Variants in CUX1 observed in about 807,000 individuals in gnomAD.
The protein encoded by CUX1 is cut like homeobox 1, also known as protein CASP.
Under a neutral mutation model 158.8 loss-of-function variants are expected in CUX1, and 31 were observed. That is an observed-to-expected ratio of 0.20 (90% CI 0.15 to 0.26). CUX1 has a LOEUF of 0.26. Among genes scored for constraint, CUX1 ranks in the 10% least tolerant of loss-of-function variants. The pLI, the probability that CUX1 is intolerant of heterozygous loss-of-function variation, is 1.00. For missense variants in CUX1, 1,589 were observed against 2,014.6 expected, an observed-to-expected ratio of 0.79 and a Z score of 4.04; for synonymous variants, 879 against 862.1, an observed-to-expected ratio of 1.02 and a Z score of -0.34.
chr7:101,984,451 C>T (rs1814005641), intron 2 of CUX1, among the ~76,000 whole-genome samples: 1 of 149,718 alleles, frequency 6.7e-6, no homozygotes, highest in Admixed American at 6.7e-5. Context: ...TATTCTCTTC[C>T]GTGCTTCGTA....
chr7:101,850,915 A>G (rs1209161364), intron 1 of CUX1, among the ~76,000 whole-genome samples: 1 of 152,144 alleles, frequency 6.6e-6, no homozygotes, highest in African/African-American at 2.4e-5. Context: ...CCTCGGCAAC[A>G]TTGCAAAACT....
intron 3 of CUX1, among the ~76,000 whole-genome samples, chr7:102,037,685 A>G (rs1260620105): frequency 6.6e-6 from 1 of 152,076 alleles, no homozygotes. Flanking sequence ...ACAGAAAACC[A>G]TAAAAGAGAT....
intron 5 of CUX1, among the ~76,000 whole-genome samples, chr7:102,097,909 A>G (rs1392133521): frequency 6.6e-6 from 1 of 152,250 alleles, no homozygotes; most frequent in East Asian, 1.9e-4. Context: ...TTAAGGCTTC[A>G]GACACATCTT....
rs528836132 is a variant in CUX1, at chr7:101,973,433, C to T, written c.142-54665C>T. On this transcript the variant is annotated intron_variant, in intron 2 of 23. Transcript: ENST00000292535. ...GCCAGTGCAACGCCAGGACAGTCTG[C>T]TGACAGGGGAATTGGAGACTGGAGG... 8.5e-4 allele frequency among the ~76,000 whole-genome samples: 129 copies of T among 152,306 alleles called. 1 individual carries two copies. Among genetic ancestry groups the T allele is most frequent in the Non-Finnish European group, 1.6e-3 (110 of 68,028 alleles).
At chr7:101,834,102 C>T (rs1794359766) in intron 1 of CUX1, among the ~76,000 whole-genome samples, 1 of 149,882 alleles carries the variant, frequency 6.7e-6, no homozygotes, top group African/African-American at 2.5e-5. Flanking sequence ...CAGGGATGGC[C>T]TTTAGTGCCT....
chr7:102,136,428 C>G (rs1254284279), intron 8 of CUX1, among the ~76,000 whole-genome samples: 1 of 151,222 alleles, frequency 6.6e-6, no homozygotes, highest in Non-Finnish European at 1.5e-5. Flanking sequence ...GTCTTGCTCT[C>G]TCACCCATGC....
intron 2 of CUX1, among the ~76,000 whole-genome samples, chr7:101,940,560 T>G (rs565691917): frequency 6.6e-6 from 1 of 152,300 alleles, no homozygotes; most frequent in South Asian, 2.1e-4. Flanking sequence ...TGTTGATATA[T>G]ATGTGTATAT....
At chr7:101,921,421 A>G (rs768026655) in intron 2 of CUX1, among the ~76,000 whole-genome samples, 21 of 149,646 alleles carry the variant, frequency 1.4e-4, no homozygotes, top group Non-Finnish European at 2.2e-4. Flanking sequence ...AGCTTGGGGA[A>G]TTTCTATGTT....
At chr7:102,078,354 G>T (rs187618691) in intron 4 of CUX1, among the ~76,000 whole-genome samples, 5 of 152,324 alleles carry the variant, frequency 3.3e-5, no homozygotes. Flanking sequence ...GAGATTACAG[G>T]CGTGAGCCAC....
At chr7:102,036,572 T>C (rs780932137) in intron 3 of CUX1, among the ~76,000 whole-genome samples, 3 of 151,978 alleles carry the variant, frequency 2.0e-5, no homozygotes, top group Non-Finnish European at 2.9e-5. Context: ...TGAAACTTCG[T>C]CTCTACTAAA....
At chr7:102,123,027 T>G (rs1197687244) in intron 8 of CUX1, among the ~76,000 whole-genome samples, 1 of 151,766 alleles carries the variant, frequency 6.6e-6, no homozygotes, top group African/African-American at 2.4e-5. Flanking sequence ...GGTCAGAAGT[T>G]CAAGACCAGA....
At position 102,256,505 on chromosome 7, in the gene CUX1, G is replaced by C. The variant is rs1235982130; in HGVS notation, c.*7463G>C. 5 of 985,202 alleles carry C rather than the reference G, an allele frequency of 5.1e-6. No homozygotes were observed. The highest frequency in any genetic ancestry group is 4.7e-5 in the South Asian group (1 of 21,284). 61.0% of individuals were successfully genotyped at this position (985,202 alleles called of 1,614,324 possible). A position where few individuals can be genotyped will look rare whatever the true frequency, so the allele number is the denominator to read the frequency against. On this transcript the variant is annotated 3_prime_UTR_variant, in exon 24 of 24. Transcript: ENST00000292535. ...AACCAAGGCGTCTGGGGGATTGACT[G>C]GGGGGCAGAGGGGGTTTCCCCAGCA...
chr7:102,119,893 CCT>C (rs1831853553), intron 8 of CUX1, among the ~76,000 whole-genome samples: 1 of 152,096 alleles, frequency 6.6e-6, no homozygotes, highest in Non-Finnish European at 1.5e-5. Flanking sequence ...AGATGGTCAC[CCT>C]GTGTACGGAT....
intron 1 of CUX1, among the ~76,000 whole-genome samples, chr7:101,844,908 G>A (rs935372602): frequency 1.3e-5 from 2 of 152,220 alleles, no homozygotes; most frequent in Non-Finnish European, 2.9e-5. Flanking sequence ...GAGCCACTGC[G>A]CCTGGCCTGT....
At chr7:102,131,924 T>G (rs1833286431) in intron 8 of CUX1, among the ~76,000 whole-genome samples, 1 of 152,022 alleles carries the variant, frequency 6.6e-6, no homozygotes, top group African/African-American at 2.4e-5. Context: ...CACCCACCTC[T>G]GCCTGCCAAA....
At chr7:102,233,647 C>T (rs1263698059) in intron 21 of CUX1, among the ~76,000 whole-genome samples, 1 of 152,044 alleles carries the variant, frequency 6.6e-6, no homozygotes, top group Non-Finnish European at 1.5e-5. Flanking sequence ...ATTAGCCAGG[C>T]GTGGTGGCGA....
intron 3 of CUX1, among the ~76,000 whole-genome samples, chr7:102,055,346 G>A (rs1824013311): frequency 6.6e-6 from 1 of 152,056 alleles, no homozygotes; most frequent in Non-Finnish European, 1.5e-5. Flanking sequence ...TTCAAAAATG[G>A]AAGTCTGTAG....
chr7:102,135,672 TGAGA>T (rs1196823008), intron 8 of CUX1, among the ~76,000 whole-genome samples: 1 of 151,834 alleles, frequency 6.6e-6, no homozygotes, highest in Non-Finnish European at 1.5e-5. Flanking sequence ...GTGGTTTCAG[TGAGA>T]GAAAATAGTC....
At chr7:102,141,257 G>A (rs977555778) in intron 8 of CUX1, among the ~76,000 whole-genome samples, 15 of 152,156 alleles carry the variant, frequency 9.9e-5, no homozygotes, top group African/African-American at 3.4e-4. Flanking sequence ...TCCTATGAAC[G>A]TTCTCGTGCC....
Sources: gnomAD v4.1 joint callset for allele counts (sites outside exome capture counted in the v4.1 genomes callset) on GRCh38, gnomAD v4.1.1 for gene constraint, MANE v1.5 for transcripts, NCBI Gene and HGNC (gene_info 2026-07-23, HGNC 2026-07-21) for gene names.